Variants in MED12L observed in about 807,000 individuals in gnomAD.
The protein encoded by MED12L is mediator complex subunit 12L, also known as mediator of RNA polymerase II transcription subunit 12-like protein.
In MED12L, 60 loss-of-function variants were observed where a neutral mutation model predicts 281.3. That is an observed-to-expected ratio of 0.21 (90% confidence interval 0.17 to 0.26). The LOEUF is 0.26. MED12L is among the 10% of genes least tolerant of loss of function. MED12L has a pLI of 1.00. For missense variants in MED12L, 2,146 were observed against 2,680.9 expected (o/e 0.80, Z 4.41); for synonymous variants, 974 against 987.2 (o/e 0.99, Z 0.25).
At chr3:151,334,162 T>C (rs181415276) in intron 16 of MED12L, among the ~76,000 whole-genome samples, 16 of 151,158 alleles carry the variant, frequency 1.1e-4, no homozygotes, top group Admixed American at 5.9e-4. Context: ...TATTTCCTTA[T>C]TGGTGATGTT....
At chr3:151,257,554 G>A (rs1209521705) in intron 16 of MED12L, among the ~76,000 whole-genome samples, 4 of 152,222 alleles carry the variant, frequency 2.6e-5, no homozygotes, top group Non-Finnish European at 4.4e-5. Flanking sequence ...TCAGAATACT[G>A]TTGTGAGGAA....
Position 151,211,630 on chromosome 3 carries a change from T to G in MED12L, c.2250+17964T>G, listed in dbSNP as rs200110218. The stretch of plus-strand genomic sequence containing the variant: ...AGTTTTGCCTAAAATATTGATGAGG[T>G]TATAGGACATATGAAGTACTTTTGT... On this transcript the variant is annotated intron_variant, in intron 16 of 44. Coordinates refer to ENST00000687756, the MANE Select transcript of MED12L (RefSeq NM_001393769.1). 2.0e-5 allele frequency among the ~76,000 whole-genome samples: 3 copies of G among 152,114 alleles called. No homozygotes were observed. The East Asian group carries it at 5.8e-4, about 29-fold the overall frequency.
chr3:151,392,467 GAAAAA>G (rs200781609), intron 38 of MED12L, among the ~76,000 whole-genome samples: 715 of 95,826 alleles, frequency 7.5e-3, no homozygotes, highest in African/African-American at 0.032. Flanking sequence ...TCCATCTCAA[GAAAAA>G]AAAAAAAAAA....
At chr3:151,134,499 G>A (rs1411000869) in intron 5 of MED12L, among the ~76,000 whole-genome samples, 1 of 152,238 alleles carries the variant, frequency 6.6e-6, no homozygotes, top group Admixed American at 6.5e-5. Flanking sequence ...GGACAAGAGT[G>A]TGACAGTGTA....
chr3:151,117,793 T>C (rs1351348840), intron 3 of MED12L, among the ~76,000 whole-genome samples: 1 of 151,914 alleles, frequency 6.6e-6, no homozygotes, highest in Non-Finnish European at 1.5e-5. Flanking sequence ...GTGTTTATCT[T>C]ATCAATTAGG....
chr3:151,300,056 C>G, intron 16 of MED12L: 2 of 1,580,196 alleles, frequency 1.3e-6, no homozygotes, highest in Non-Finnish European at 1.7e-6. Context: ...GTATCTCTTA[C>G]GACGGCTTAC....
intron 11 of MED12L, among the ~76,000 whole-genome samples, chr3:151,170,890 G>A (rs574614255): frequency 3.3e-5 from 5 of 152,138 alleles, no homozygotes; most frequent in Non-Finnish European, 7.4e-5. Context: ...TGGGAAGTGG[G>A]CAGACCCTGT....
intron 31 of MED12L, among the ~76,000 whole-genome samples, chr3:151,378,578 C>T (rs1381675667): frequency 4.6e-5 from 7 of 151,924 alleles, no homozygotes; most frequent in Non-Finnish European, 1.5e-5. Context: ...ACTAGTTGCT[C>T]ATATTTTTAA....
intron 16 of MED12L, chr3:151,329,093 A>G (rs1161874200): frequency 5.3e-6 from 5 of 941,694 alleles, no homozygotes; most frequent in Non-Finnish European, 8.0e-6. Context: ...AACAGACTTT[A>G]TGTTTATAGC....
Position 151,258,302 on chromosome 3 carries a change from C to G in MED12L, c.2250+64636C>G, listed in dbSNP as rs188617918. Among the ~76,000 whole-genome samples the G allele has an allele frequency of 5.3e-5, 8 of 152,318 alleles. No homozygotes were observed. The East Asian group carries it at 1.2e-3, about 22-fold the overall frequency. ...AATATAATTTCACTAGTTCTTCCCA[C>G]TTTCTTTAATTCTGTTTGTTGTCTT... On this transcript the variant is annotated intron_variant, in intron 16 of 44. Transcript: ENST00000687756.
At chr3:151,425,913 G>A (rs1718825364) in intron 43 of MED12L, among the ~76,000 whole-genome samples, 1 of 152,190 alleles carries the variant, frequency 6.6e-6, no homozygotes, top group Non-Finnish European at 1.5e-5. Context: ...AGAGTGGAAC[G>A]AAGTGGGGAG....
chr3:151,304,304 G>A (rs908312085), intron 16 of MED12L, among the ~76,000 whole-genome samples: 7 of 152,194 alleles, frequency 4.6e-5, no homozygotes, highest in Non-Finnish European at 8.8e-5. Flanking sequence ...GGCCAGGCAC[G>A]GTGGCTCATG....
At chr3:151,419,368 G>A (rs1219444351) in intron 43 of MED12L, among the ~76,000 whole-genome samples, 1 of 152,202 alleles carries the variant, frequency 6.6e-6, no homozygotes, top group African/African-American at 2.4e-5. Context: ...GGAGTCCGGT[G>A]TTTGAGGGCA....
At chr3:151,222,565 G>A (rs1382480315) in intron 16 of MED12L, among the ~76,000 whole-genome samples, 1 of 152,218 alleles carries the variant, frequency 6.6e-6, no homozygotes, top group Non-Finnish European at 1.5e-5. Flanking sequence ...CCCTGCACAA[G>A]CTCTCTTCTC....
intron 5 of MED12L, among the ~76,000 whole-genome samples, chr3:151,131,281 C>A (rs1435593740): frequency 6.6e-6 from 1 of 152,150 alleles, no homozygotes. Flanking sequence ...ATTTTTACAA[C>A]TGAAACTTAA....
intron 39 of MED12L, among the ~76,000 whole-genome samples, chr3:151,407,335 C>A (rs545603680): frequency 2.2e-4 from 34 of 152,244 alleles, no homozygotes; most frequent in African/African-American, 8.2e-4. Context: ...TCCCACAAAG[C>A]CAAAAGAGGG....
chr3:151,332,034 A>G (rs1215285362), intron 16 of MED12L, among the ~76,000 whole-genome samples: 5 of 152,348 alleles, frequency 3.3e-5, no homozygotes, highest in Middle Eastern at 3.4e-3. Flanking sequence ...ATGTGTGAGA[A>G]GGAAACAATC....
intron 2 of MED12L, among the ~76,000 whole-genome samples, chr3:151,105,247 A>G (rs1432772397): frequency 1.3e-5 from 2 of 152,006 alleles, no homozygotes; most frequent in Admixed American, 6.5e-5. Flanking sequence ...TGCTTCCTTC[A>G]TCGCCTTCTT....
chr3:151,174,572 T>C (rs1485202200), intron 11 of MED12L, among the ~76,000 whole-genome samples: 1 of 152,230 alleles, frequency 6.6e-6, no homozygotes, highest in Admixed American at 6.5e-5. Context: ...GTTTGGTTTA[T>C]CTGATGTCAC....
Sources: allele counts gnomAD v4.1 joint callset (sites outside exome capture counted in the v4.1 genomes callset), GRCh38; gene constraint gnomAD v4.1.1; transcripts MANE v1.5; gene names NCBI Gene and HGNC (gene_info 2026-07-23, HGNC 2026-07-21).